Variants in PPIL2 observed in about 807,000 individuals in gnomAD.
PPIL2 encodes the protein peptidylprolyl isomerase like 2.
PPIL2 carries 50 observed loss-of-function variants against 75.2 expected under a neutral mutation model. The ratio of observed to expected loss-of-function variants is 0.66; its 90% CI spans 0.53 to 0.84. The LOEUF (loss-of-function observed/expected upper bound fraction) is 0.84. Ranked by LOEUF, PPIL2 falls within the 40% of genes least tolerant of loss-of-function variation. PPIL2 has a pLI of 0.00. For synonymous variants in PPIL2, 245 were observed against 258.8 expected (o/e 0.95, Z 0.51); for missense variants, 590 against 685.0 (o/e 0.86, Z 1.55).
At chr22:21,681,425 G>A (rs2067125988) in intron 7 of PPIL2, 35 bp downstream of exon 7, 3 of 1,549,716 alleles carry the variant, frequency 1.9e-6, no homozygotes, top group South Asian at 2.2e-5. Flanking sequence ...AGACAGCGGT[G>A]GGGAGATCTC....
intron 9 of PPIL2, among the ~76,000 whole-genome samples, chr22:21,683,494 CT>C (rs2067216928): frequency 6.6e-6 from 1 of 152,264 alleles, no homozygotes; most frequent in African/African-American, 2.4e-5. Context: ...TCCCTGCAGA[CT>C]GGCCGGTGCT....
intron 6 of PPIL2, among the ~76,000 whole-genome samples, chr22:21,676,316 T>TGTGC (rs2066852254): frequency 6.7e-6 from 1 of 150,082 alleles, no homozygotes. Flanking sequence ...ATTTTGTGTG[T>TGTGC]GTGTGTGTGT....
intron 7 of PPIL2, 54 bp from the exon 8 acceptor site, chr22:21,682,383 C>T (rs767491768): frequency 6.7e-7 from 1 of 1,495,268 alleles, no homozygotes; most frequent in South Asian, 1.1e-5. Flanking sequence ...GCTTGCAGTC[C>T]CCTGTGCCAA....
rs71674996 is a variant in PPIL2, at chr22:21,682,595, C to CTG, written c.477+69_477+70insTG. The CTG allele has an allele frequency of 3.0e-3, 3,846 of 1,279,350 alleles. 24 individuals are homozygous for CTG. Among genetic ancestry groups the CTG allele is most frequent in the Non-Finnish European group, 3.6e-3 (3,296 of 913,210 alleles). 79.2% of individuals were successfully genotyped at this position (1,279,350 alleles called of 1,614,324 possible). A position where few individuals can be genotyped will look rare whatever the true frequency, so the allele number is the denominator to read the frequency against. On this transcript the variant is annotated intron_variant, in intron 8 of 19. Transcript: ENST00000398831. Reference sequence around the variant, plus strand: ...GCAGCCAGCCCAGGCCTCTACAGGGCCCTACCCCCACGTCAGGGCCCCTCA... The same window carrying CTG: ...GCAGCCAGCCCAGGCCTCTACAGGGCTGCCTACCCCCACGTCAGGGCCCCTCA...
At chr22:21,676,309 T>TGGTG (rs1555894902) in intron 6 of PPIL2, among the ~76,000 whole-genome samples, 3 of 123,018 alleles carry the variant, frequency 2.4e-5, no homozygotes, top group Non-Finnish European at 5.0e-5. Context: ...TTTATTTATT[T>TGGTG]TGTGTGTGTG....
chr22:21,680,081 A>C (rs1954940925), intron 6 of PPIL2, among the ~76,000 whole-genome samples: 2 of 144,816 alleles, frequency 1.4e-5, no homozygotes, highest in African/African-American at 5.1e-5. Flanking sequence ...CAACGGCAAG[A>C]CTCTGTCTCA....
downstream of PPIL2, chr22:21,699,631 A>C (rs2148591883): frequency 6.5e-6 from 1 of 152,870 alleles, no homozygotes; most frequent in South Asian, 2.1e-4. Flanking sequence ...CACAAAGGCT[A>C]AACTTGTTGC....
chr22:21,685,666 T>C (rs753488226), intron 10 of PPIL2: 30 of 452,936 alleles, frequency 6.6e-5, no homozygotes, highest in South Asian at 3.8e-4. Context: ...AAGCTGGTCT[T>C]GAATTCCTGG....
chr22:21,667,684 C>G (rs2066447608), intron 1 of PPIL2, among the ~76,000 whole-genome samples: 1 of 151,906 alleles, frequency 6.6e-6, no homozygotes. Flanking sequence ...ATTTCCCAGT[C>G]ATCTATAAGC....
intron 3 of PPIL2, 173 bp downstream of exon 3, chr22:21,670,784 C>T (rs1304525493): frequency 3.4e-6 from 3 of 876,610 alleles, no homozygotes; most frequent in African/African-American, 1.7e-5. Context: ...TAGGAGCTTG[C>T]CTTGGTGTTG....
At chr22:21,693,238 G>A (rs1258519135) in intron 15 of PPIL2, among the ~76,000 whole-genome samples, 1 of 152,054 alleles carries the variant, frequency 6.6e-6, no homozygotes, top group Non-Finnish European at 1.5e-5. Flanking sequence ...AATAGGGACA[G>A]GGTTTTACCA....
intron 15 of PPIL2, among the ~76,000 whole-genome samples, chr22:21,690,500 C>T (rs909432084): frequency 6.6e-6 from 1 of 152,186 alleles, no homozygotes; most frequent in Non-Finnish European, 1.5e-5. Flanking sequence ...CACTTGTTTC[C>T]ATGAAGGCTG....
chr22:21,688,665 T>G, intron 14 of PPIL2, 67 bp from the exon 15 acceptor site: 18 of 1,495,912 alleles, frequency 1.2e-5, no homozygotes, highest in Non-Finnish European at 1.7e-5. Flanking sequence ...CTCGGGACTC[T>G]GAGGTTTCTA....
intron 2 of PPIL2, 32 bp downstream of exon 2, chr22:21,669,994 G>T (rs1470766429): frequency 1.2e-5 from 19 of 1,596,278 alleles, no homozygotes; most frequent in Non-Finnish European, 1.6e-5. Flanking sequence ...TTCCCCGTTG[G>T]GGGAGTGGTA....
At position 21,694,576 on chromosome 22, in the gene PPIL2, C is replaced by CT. The variant is rs755347407; in HGVS notation, c.1197-16dup. The CT allele has an allele frequency of 6.2e-7, 1 of 1,613,884 alleles. No homozygotes were observed. The highest frequency in any genetic ancestry group is 1.1e-5 in the South Asian group (1 of 91,070). On this transcript the variant is annotated splice_polypyrimidine_tract_variant and intron_variant, in intron 16 of 19. Transcript: ENST00000398831. ...TCCTTGAGCACACGCAGACCCACCT[C>CT]TGTCTCCCTGCTGCAGGGTTGTTGG...
intron 6 of PPIL2, among the ~76,000 whole-genome samples, chr22:21,680,577 C>A (rs1224249161): frequency 6.7e-6 from 1 of 150,344 alleles, no homozygotes; most frequent in African/African-American, 2.5e-5. Context: ...CACCTGTAAT[C>A]CCAGCACTTT....
chr22:21,669,347 C>T, intron 1 of PPIL2: 1 of 453,096 alleles, frequency 2.2e-6, no homozygotes, highest in Non-Finnish European at 4.4e-6. Flanking sequence ...CAGATTCTCG[C>T]TTTGTTGCCC....
intron 10 of PPIL2, 72 bp downstream of exon 10, chr22:21,684,985 TCCTGGGAAAGGGGCTCATGGGGG>T (rs1208760057): frequency 6.4e-7 from 1 of 1,567,690 alleles, no homozygotes; most frequent in Non-Finnish European, 8.7e-7. Context: ...CTTGGAGTGG[TCCTGGGAAAGGGGCTCATGGGGG>T]CCTGGGATAC....
chr22:21,678,979 C>G (rs1229910086), intron 6 of PPIL2, among the ~76,000 whole-genome samples: 1 of 151,030 alleles, frequency 6.6e-6, no homozygotes, highest in Non-Finnish European at 1.5e-5. Flanking sequence ...TCACTGCAAC[C>G]TCCGCCTCTT....
Sources: gnomAD v4.1 joint callset for allele counts (sites outside exome capture counted in the v4.1 genomes callset) on GRCh38, gnomAD v4.1.1 for gene constraint, MANE v1.5 for transcripts, NCBI Gene and HGNC (gene_info 2026-07-23, HGNC 2026-07-21) for gene names.